Variants in TTLL5 observed in about 807,000 individuals in gnomAD.
The protein encoded by TTLL5 is tubulin tyrosine ligase like 5, also known as tubulin polyglutamylase TTLL5.
In TTLL5, 132 loss-of-function variants were observed where a neutral mutation model predicts 168.4. That is an observed-to-expected ratio of 0.78 (90% CI 0.68 to 0.91). The LOEUF (loss-of-function observed/expected upper bound fraction) is 0.91. Among genes scored for constraint, TTLL5 ranks in the 40% least tolerant of loss-of-function variants. TTLL5 has a pLI of 0.00. For missense variants in TTLL5, 1,545 were observed against 1,581.5 expected (o/e 0.98, Z 0.39); for synonymous variants, 546 against 558.6 (o/e 0.98, Z 0.32).
At chr14:75,668,971 C>T (rs1307524936) in intron 2 of TTLL5, among the ~76,000 whole-genome samples, 4 of 152,206 alleles carry the variant, frequency 2.6e-5, no homozygotes, top group Admixed American at 1.3e-4. Flanking sequence ...CCAACAGCTA[C>T]AGGCTCTTCT....
intron 31 of TTLL5, among the ~76,000 whole-genome samples, chr14:75,938,602 T>G (rs1166912575): frequency 6.6e-6 from 1 of 152,224 alleles, no homozygotes; most frequent in Non-Finnish European, 1.5e-5. Flanking sequence ...ATTTGGCCCT[T>G]GTAGCAATCC....
chr14:75,904,275 C>T, intron 31 of TTLL5: 1 of 1,095,920 alleles, frequency 9.1e-7, no homozygotes. Flanking sequence ...AGAAAGTAAA[C>T]CTTCACCTGG....
At chr14:75,950,422 G>C (rs919302138) in intron 31 of TTLL5, among the ~76,000 whole-genome samples, 1 of 152,190 alleles carries the variant, frequency 6.6e-6, no homozygotes, top group African/African-American at 2.4e-5. Context: ...ATTTGACCTG[G>C]TTAAAATTAA....
At position 75,709,487 on chromosome 14, in the gene TTLL5, A is replaced by G. The variant is rs1266618976; in HGVS notation, c.740+1780A>G. ...GCCCTGGGAACATTGGAGACTACCA[A>G]AACTCCCTAGTTCTGGCCTCTTCCT... On this transcript the variant is annotated intron_variant, in intron 9 of 31. Transcript: ENST00000298832. 41 of 366,420 alleles carry G rather than the reference A, an allele frequency of 1.1e-4. 1 individual carries two copies. The Admixed American group carries it at 1.8e-3, about 16-fold the overall frequency. The allele number at this position is 366,420 out of a possible 1,614,324, so 22.7% of individuals were successfully genotyped here. A position where few individuals can be genotyped will look rare whatever the true frequency, so the allele number is the denominator to read the frequency against.
intron 27 of TTLL5, among the ~76,000 whole-genome samples, chr14:75,794,090 A>C (rs974494432): frequency 3.9e-5 from 6 of 152,234 alleles, no homozygotes; most frequent in African/African-American, 1.4e-4. Flanking sequence ...AATTAGTTTT[A>C]CTTCAGCCTC....
intron 23 of TTLL5, among the ~76,000 whole-genome samples, chr14:75,779,123 T>G (rs1346300911): frequency 5.3e-5 from 8 of 152,190 alleles, no homozygotes; most frequent in Non-Finnish European, 1.2e-4. Flanking sequence ...TCTTTAAAAA[T>G]ATTTTAAAAA....
intron 3 of TTLL5, among the ~76,000 whole-genome samples, chr14:75,670,570 C>T (rs1883663515): frequency 6.6e-6 from 1 of 152,224 alleles, no homozygotes; most frequent in South Asian, 2.1e-4. Context: ...TCCACATCCT[C>T]ACTAACATTT....
intron 30 of TTLL5, among the ~76,000 whole-genome samples, chr14:75,885,769 T>C (rs1264657593): frequency 6.6e-6 from 1 of 152,198 alleles, no homozygotes; most frequent in East Asian, 1.9e-4. Flanking sequence ...TCTCTGTGAC[T>C]CAGTTTCCTA....
intron 21 of TTLL5, among the ~76,000 whole-genome samples, chr14:75,773,954 AG>A (rs1566598131): frequency 0.018 from 710 of 39,512 alleles, 4 homozygotes; most frequent in African/African-American, 0.037. Flanking sequence ...AGAGAGAGAG[AG>A]AAAGAGAGAG....
chr14:75,667,248 C>G (rs1883330409), intron 2 of TTLL5, among the ~76,000 whole-genome samples: 1 of 152,174 alleles, frequency 6.6e-6, no homozygotes, highest in Non-Finnish European at 1.5e-5. Context: ...AAAATTGGAG[C>G]AGCAATCCAT....
rs1386584022 is a variant in TTLL5, at chr14:75,910,391, C to T, written c.3823+8167C>T. Among the ~76,000 whole-genome samples the T allele has an allele frequency of 5.3e-5, 8 of 152,164 alleles. No homozygotes were observed. The East Asian group carries it at 9.6e-4, about 18-fold the overall frequency. ...ATATCCATGCACTTTGGACAGAAGA[C>T]GATCTAGTCTATTCTTGCAGTCCTG... On this transcript the variant is annotated intron_variant, in intron 31 of 31. Coordinates refer to ENST00000298832, the MANE Select transcript of TTLL5 (RefSeq NM_015072.5).
rs540368162 is a variant in TTLL5 at position 75,731,120 on chromosome 14, G to A, written c.1043-1218G>A. ...TAGAGTCTATTTTTTTGTTTTCTGA[G>A]AGTATTGAGAAATTTAAAAATCCTT... is the stretch of plus-strand genomic sequence containing the variant. On this transcript the variant is annotated intron_variant, in intron 12 of 31. Transcript: ENST00000298832. Among the ~76,000 whole-genome samples, 6 of 152,130 alleles carry A rather than the reference G, an allele frequency of 3.9e-5. 1 individual carries two copies. The East Asian group carries it at 1.2e-3, about 29-fold the overall frequency.
At chr14:75,693,365 A>G (rs1377060707) in intron 6 of TTLL5, among the ~76,000 whole-genome samples, 1 of 152,206 alleles carries the variant, frequency 6.6e-6, no homozygotes, top group Non-Finnish European at 1.5e-5. Flanking sequence ...AGGATTGCCT[A>G]AAAACACTAG....
chr14:75,863,580 GA>G (rs1442994835), intron 28 of TTLL5, 86 bp from the exon 29 acceptor site: 2 of 1,335,866 alleles, frequency 1.5e-6, no homozygotes, highest in Middle Eastern at 2.7e-4. Flanking sequence ...TTCCATATTG[GA>G]AAAATACCTG....
chr14:75,707,210 C>T (rs1886718234), intron 8 of TTLL5, 123 bp downstream of exon 8: 2 of 742,502 alleles, frequency 2.7e-6, no homozygotes, highest in Non-Finnish European at 4.6e-6. Context: ...ATGTGTGGCT[C>T]CAGAAAGGCA....
At chr14:75,890,444 CT>C (rs2032344385) in intron 30 of TTLL5, among the ~76,000 whole-genome samples, 2 of 152,068 alleles carry the variant, frequency 1.3e-5, no homozygotes, top group South Asian at 4.1e-4. Context: ...AAGAAAAATA[CT>C]TTAAAAGTAG....
In TTLL5 at chr14:75,779,670, A is replaced by G. The variant is rs769911147; in HGVS notation, c.2483A>G (p.Asn828Ser). 1.2e-6 allele frequency: 2 copies of G among 1,613,536 alleles called. No individual in the cohort carries two copies. Among genetic ancestry groups the G allele is most frequent in the Non-Finnish European group, 8.5e-7 (1 of 1,179,818 alleles). ...ACTCACTCTAAAATTTCTAAGAACA[A>G]CAACAATTATTCTGATAGTGGGGCA... ...LGTHSKISKN[N>S]NNYSDSGAKG... is the part of the protein sequence containing the mutation. Residue 828 changes from asparagine to serine, a missense_variant, in exon 24 of 32, where the codon AAC (asparagine) becomes AGC (serine). Asn to Ser is a conservative substitution (Grantham distance 46, BLOSUM62 1). Coordinates refer to ENST00000298832, the MANE Select transcript of TTLL5 (RefSeq NM_015072.5).
At position 75,820,570 on chromosome 14, in the gene TTLL5, A is replaced by C. The variant is rs187845867; in HGVS notation, c.3326+409A>C. The stretch of plus-strand genomic sequence containing the variant: ...AGTAACTGTAGACTCTGTTCTTTTG[A>C]AGGACATATTTGTTTCTTATTTTTT... On this transcript the variant is annotated intron_variant, in intron 28 of 31. Coordinates refer to ENST00000298832, the MANE Select transcript of TTLL5 (RefSeq NM_015072.5). 105 of 155,862 alleles carry C rather than the reference A, an allele frequency of 6.7e-4. 1 individual carries two copies. Among genetic ancestry groups the C allele is most frequent in the Middle Eastern group, 4.1e-3 (8 of 1,934 alleles). 9.7% of individuals were successfully genotyped at this position (155,862 alleles called of 1,614,324 possible). A position where few individuals can be genotyped will look rare whatever the true frequency, so the allele number is the denominator to read the frequency against.
Position 75,707,713 on chromosome 14 carries a change from A to G in TTLL5, c.740+6A>G, listed in dbSNP as rs185044527. 3.8e-4 allele frequency: 606 copies of G among 1,612,504 alleles called. 4 individuals are homozygous for G. Among genetic ancestry groups the G allele is most frequent in the Non-Finnish European group, 1.1e-4 (126 of 1,178,988 alleles). ...TATGAAGAAGGATTGGCTAGGTAAGAAGCTGTTTGGGGGTGAAGGGGTTGG... is the reference window on the plus strand; with the variant it reads ...TATGAAGAAGGATTGGCTAGGTAAGGAGCTGTTTGGGGGTGAAGGGGTTGG... On this transcript the variant is annotated splice_donor_region_variant and intron_variant, in intron 9 of 31. Coordinates refer to ENST00000298832, the MANE Select transcript of TTLL5 (RefSeq NM_015072.5).
Sources: gnomAD v4.1 joint callset for allele counts (sites outside exome capture counted in the v4.1 genomes callset) on GRCh38, gnomAD v4.1.1 for gene constraint, MANE v1.5 for transcripts, NCBI Gene and HGNC (gene_info 2026-07-23, HGNC 2026-07-21) for gene names.